ZEB1: variants seen among roughly 807,000 people sequenced by gnomAD.
The protein encoded by ZEB1 is zinc finger E-box binding homeobox 1.
A neutral mutation model predicts 84.9 loss-of-function variants in ZEB1; 21 were observed. The ratio of observed to expected loss-of-function variants is 0.25; its 90% CI spans 0.18 to 0.36. The LOEUF (loss-of-function observed/expected upper bound fraction) is 0.36, where lower values mean the gene tolerates loss of function less well. Ranked by LOEUF, ZEB1 falls within the 10% of genes least tolerant of loss-of-function variation. The pLI, the probability that ZEB1 is intolerant of heterozygous loss-of-function variation, is 1.00. For missense variants in ZEB1, 1,104 were observed against 1,330.2 expected (o/e 0.83, Z 2.65); for synonymous variants, 420 against 471.1 (o/e 0.89, Z 1.41).
chr10:31,435,041 A>C (rs918341051), intron 1 of ZEB1, among the ~76,000 whole-genome samples: 43 of 152,350 alleles, frequency 2.8e-4, no homozygotes, highest in Non-Finnish European at 4.7e-4. Context: ...ACTTAAAAAA[A>C]GATTATTAAG....
chr10:31,484,817 A>G lies in ZEB1; in HGVS notation c.260-10959A>G, dbSNP rs1022811895. ...TTATTTTACTCATTATCACTATTGT[A>G]TAAGAATATGTCACTGTTTGTTATA... On this transcript the variant is annotated intron_variant, in intron 2 of 8. Coordinates refer to ENST00000424869, the MANE Select transcript of ZEB1 (RefSeq NM_001174096.2). 3.9e-5 allele frequency among the ~76,000 whole-genome samples: 6 copies of G among 151,988 alleles called. No individual in the cohort carries two copies. The East Asian group carries it at 9.7e-4, about 24-fold the overall frequency.
At chr10:31,381,977 C>T (rs1405625340) in intron 1 of ZEB1, 1 of 137,050 alleles carries the variant, frequency 7.3e-6, no homozygotes, top group Non-Finnish European at 1.5e-5. Flanking sequence ...TGCCACTGCA[C>T]TCCAGACTGG....
chr10:31,389,654 C>T (rs1022281148), intron 1 of ZEB1: 1 of 151,756 alleles, frequency 6.6e-6, no homozygotes, highest in Non-Finnish European at 1.5e-5. Flanking sequence ...TAGACCAGCA[C>T]TATATGGTAC....
chr10:31,483,250 A>G (rs1331319898), intron 2 of ZEB1, among the ~76,000 whole-genome samples: 3 of 152,016 alleles, frequency 2.0e-5, no homozygotes, highest in Non-Finnish European at 4.4e-5. Flanking sequence ...GCTTTCCCAA[A>G]TATTATTTAT....
intron 1 of ZEB1, among the ~76,000 whole-genome samples, chr10:31,440,633 G>A (rs2058822905): frequency 6.6e-6 from 1 of 152,090 alleles, no homozygotes; most frequent in South Asian, 2.1e-4. Flanking sequence ...GTTTGCAGAT[G>A]ACATGATTGT....
intron 1 of ZEB1, among the ~76,000 whole-genome samples, chr10:31,433,601 AC>A (rs1405816967): frequency 6.6e-6 from 1 of 152,230 alleles, no homozygotes; most frequent in Non-Finnish European, 1.5e-5. Flanking sequence ...CATCTGTTAT[AC>A]TTTGATGTCC....
chr10:31,336,325 G>A (rs370097216), intron 1 of ZEB1, among the ~76,000 whole-genome samples: 3 of 152,122 alleles, frequency 2.0e-5, no homozygotes, highest in African/African-American at 4.8e-5. Context: ...AATAATTGGG[G>A]TTGTTGGTTA....
intron 2 of ZEB1, among the ~76,000 whole-genome samples, chr10:31,464,977 A>G (rs2062222936): frequency 6.6e-6 from 1 of 152,210 alleles, no homozygotes; most frequent in South Asian, 2.1e-4. Context: ...ATACTATTCT[A>G]TATAGTGAGA....
chr10:31,320,183 C>G (rs998108289), intron 1 of ZEB1: 1 of 151,572 alleles, frequency 6.6e-6, no homozygotes, highest in African/African-American at 2.4e-5. Flanking sequence ...CGCGGCGGGG[C>G]GGCGCGGGGA....
chr10:31,486,141 A>G (rs1373741290), intron 2 of ZEB1, among the ~76,000 whole-genome samples: 1 of 151,822 alleles, frequency 6.6e-6, no homozygotes, highest in Non-Finnish European at 1.5e-5. Flanking sequence ...GTGGAAGGAC[A>G]TTTGGGTTGT....
At chr10:31,449,409 G>A (rs1470018498) in intron 1 of ZEB1, among the ~76,000 whole-genome samples, 1 of 152,152 alleles carries the variant, frequency 6.6e-6, no homozygotes, top group Non-Finnish European at 1.5e-5. Context: ...GACTGGAGCT[G>A]TTCCTATTCG....
Position 31,393,219 on chromosome 10 carries a change from G to A in ZEB1, c.59-67818G>A, listed in dbSNP as rs12570605. ...TAGTATAAAGCTCATTATAGAAAAT[G>A]GTATTGACTTCTGAAACATTATAGT... On this transcript the variant is annotated intron_variant, in intron 1 of 8. Coordinates refer to ENST00000424869, the MANE Select transcript of ZEB1 (RefSeq NM_001174096.2). Among the ~76,000 whole-genome samples the A allele has an allele frequency of 0.013, 1,948 of 152,094 alleles. 112 individuals carry two copies. In the East Asian group the frequency reaches 0.18, roughly 14 times the overall value.
At chr10:31,433,230 T>G (rs989967240) in intron 1 of ZEB1, among the ~76,000 whole-genome samples, 1 of 152,222 alleles carries the variant, frequency 6.6e-6, no homozygotes, top group Non-Finnish European at 1.5e-5. Flanking sequence ...GTCCAGATCT[T>G]CCAAATGTTG....
chr10:31,506,760 T>C (rs1460068914), intron 4 of ZEB1, among the ~76,000 whole-genome samples: 1 of 152,114 alleles, frequency 6.6e-6, no homozygotes, highest in Non-Finnish European at 1.5e-5. Context: ...GTTTATGTTA[T>C]TATTATTGAT....
intron 1 of ZEB1, among the ~76,000 whole-genome samples, chr10:31,432,382 A>G (rs2057816157): frequency 6.6e-6 from 1 of 152,210 alleles, no homozygotes; most frequent in African/African-American, 2.4e-5. Context: ...TAAGCCCAGG[A>G]GTTTGAGACT....
intron 1 of ZEB1, among the ~76,000 whole-genome samples, chr10:31,401,191 A>G (rs2051918696): frequency 1.3e-5 from 2 of 152,244 alleles, no homozygotes; most frequent in South Asian, 4.1e-4. Flanking sequence ...GGGTTGGAGT[A>G]CAGCCCACAA....
intron 1 of ZEB1, among the ~76,000 whole-genome samples, chr10:31,383,430 T>G (rs1221417064): frequency 6.6e-6 from 1 of 152,184 alleles, no homozygotes; most frequent in Non-Finnish European, 1.5e-5. Flanking sequence ...GAAAATAAAA[T>G]AGTAAATTTA....
intron 1 of ZEB1, among the ~76,000 whole-genome samples, chr10:31,423,865 A>G (rs2136097745): frequency 6.6e-6 from 1 of 152,204 alleles, no homozygotes; most frequent in South Asian, 2.1e-4. Context: ...ATGCTACTCT[A>G]ATTTCAGCAG....
At chr10:31,463,311 C>T (rs779568892) in intron 2 of ZEB1, among the ~76,000 whole-genome samples, 8 of 152,118 alleles carry the variant, frequency 5.3e-5, no homozygotes, top group Non-Finnish European at 1.0e-4. Context: ...CTGAAAACAA[C>T]TAATGGTGCT....
Sources: gnomAD v4.1 joint callset for allele counts (sites outside exome capture counted in the v4.1 genomes callset) on GRCh38, gnomAD v4.1.1 for gene constraint, MANE v1.5 for transcripts, NCBI Gene and HGNC (gene_info 2026-07-23, HGNC 2026-07-21) for gene names.